The following CAPN9 variants were observed in gnomAD, a reference collection of about 807,000 sequenced individuals.
The protein encoded by CAPN9 is calpain-9.
CAPN9 carries 81 observed loss-of-function variants against 92.8 expected under a neutral mutation model. The observed-to-expected ratio is 0.87, with a 90% CI of 0.73 to 1.05. The LOEUF is 1.05. Ranked by LOEUF, CAPN9 falls within the 50% of genes least tolerant of loss-of-function variation. CAPN9 has a pLI of 0.00. For synonymous variants in CAPN9, 304 were observed against 328.0 expected (o/e 0.93, Z 0.79); for missense variants, 848 against 866.2 (o/e 0.98, Z 0.26).
At chr1:230,753,280 C>G (rs1404333018) in intron 1 of CAPN9, among the ~76,000 whole-genome samples, 1 of 152,180 alleles carries the variant, frequency 6.6e-6, no homozygotes, top group Non-Finnish European at 1.5e-5. Flanking sequence ...TTCTGCCGGG[C>G]CTGGGGTTTT....
At chr1:230,757,644 G>T (rs1278662959) in intron 2 of CAPN9, among the ~76,000 whole-genome samples, 1 of 151,766 alleles carries the variant, frequency 6.6e-6, no homozygotes, top group Non-Finnish European at 1.5e-5. Flanking sequence ...CGCTTTGGGA[G>T]GGGGAGGTGG....
In CAPN9 at chr1:230,751,601, GAAAGAAAGAGAAAGAAAGAAAGAAAGAA is replaced by G. The variant is rs1335055927; in HGVS notation, c.214-3734_214-3707del. On this transcript the variant is annotated intron_variant, in intron 1 of 19. Coordinates refer to ENST00000271971, the MANE Select transcript of CAPN9 (RefSeq NM_006615.3). ...AGAAAGAAACAAAGAAAGAAAGAAA[GAAAGAAAGAGAAAGAAAGAAAGAAAGAA>G]AGAAAGAAAGAAAGAAAGAAAGAAA... is the stretch of plus-strand genomic sequence containing the variant. Among the ~76,000 whole-genome samples the G allele has an allele frequency of 3.4e-3, 40 of 11,858 alleles. 1 individual carries two copies. Among genetic ancestry groups the G allele is most frequent in the Non-Finnish European group, 6.9e-3 (38 of 5,482 alleles). 7.8% of individuals were successfully genotyped at this position (11,858 alleles called of 152,430 possible).
chr1:230,801,591 A>T lies in CAPN9; in HGVS notation c.2068A>T (p.Ile690Phe). ...INEFIHLTMN[I>F] ...CCAGTTCATCCATTTGACAATGAACATCTGAGGCTGCCTTGTAGAGATGCA... is the reference window on the plus strand; with the variant it reads ...CCAGTTCATCCATTTGACAATGAACTTCTGAGGCTGCCTTGTAGAGATGCA... The change falls in exon 20 of 20, where the codon ATC becomes TTC. Residue 690 changes from isoleucine to phenylalanine, a missense_variant. Physicochemically the swap from Ile to Phe is conservative, Grantham distance 21. Coordinates refer to ENST00000271971, the MANE Select transcript of CAPN9 (RefSeq NM_006615.3). 6.2e-7 allele frequency: 1 copy of T among 1,614,084 alleles called. No homozygotes were observed. Among genetic ancestry groups the T allele is most frequent in the Non-Finnish European group, 8.5e-7 (1 of 1,179,942 alleles).
At chr1:230,787,396 T>G (rs1224650433) in intron 12 of CAPN9, 126 bp from the exon 13 acceptor site, 6 of 713,238 alleles carry the variant, frequency 8.4e-6, no homozygotes, top group Non-Finnish European at 1.5e-5. Flanking sequence ...GGACGCAGCT[T>G]GTGCACACTG....
rs1361541854 is a variant in CAPN9, at chr1:230,785,902, G to A, written c.1482-79G>A. 4.4e-6 allele frequency: 6 copies of A among 1,366,750 alleles called. No individual in the cohort carries two copies. In the African/African-American group the frequency reaches 7.1e-5, roughly 16 times the overall value. 84.7% of individuals were successfully genotyped at this position (1,366,750 alleles called of 1,614,324 possible). ...ATTCAAAGGGACAGAACCTTCCCAGGCTCTGGGCTCTTCAGCTCTGCAGAT... is the reference window on the plus strand; with the variant it reads ...ATTCAAAGGGACAGAACCTTCCCAGACTCTGGGCTCTTCAGCTCTGCAGAT... On this transcript the variant is annotated intron_variant, in intron 11 of 19. Transcript: ENST00000271971.
chr1:230,772,382 T>C (rs914015088), intron 7 of CAPN9, among the ~76,000 whole-genome samples: 10 of 152,260 alleles, frequency 6.6e-5, no homozygotes, highest in Admixed American at 6.5e-4. Context: ...GTGATGTTTA[T>C]AACCCAGTGA....
chr1:230,764,325 C>T (rs1372220406), intron 4 of CAPN9, among the ~76,000 whole-genome samples: 2 of 152,232 alleles, frequency 1.3e-5, no homozygotes, highest in Non-Finnish European at 2.9e-5. Context: ...CCTACTTGAA[C>T]TGGGACATCC....
chr1:230,772,527 A>G (rs1381221798), intron 7 of CAPN9, among the ~76,000 whole-genome samples: 1 of 152,136 alleles, frequency 6.6e-6, no homozygotes, highest in East Asian at 1.9e-4. Context: ...GCATGTAACT[A>G]TAGGATTCTC....
intron 13 of CAPN9, among the ~76,000 whole-genome samples, chr1:230,789,237 C>T (rs541675039): frequency 6.8e-6 from 1 of 147,856 alleles, no homozygotes; most frequent in Admixed American, 6.7e-5. Context: ...GTCACCTGGG[C>T]ATCCTGGGAA....
intron 4 of CAPN9, 110 bp from the exon 5 acceptor site, chr1:230,767,431 C>A (rs1431935907): frequency 4.5e-6 from 4 of 889,638 alleles, no homozygotes; most frequent in African/African-American, 1.7e-5. Flanking sequence ...CCAGCCAGGG[C>A]AAGCCCTGGG....
chr1:230,747,725 A>AGG lies in CAPN9; in HGVS notation c.213+19_213+20dup. ...ACGACCAGGGGTGAGTGGGGCGAGCAGGGGAAGGAGCATAGATGAGGCCGA... is the reference window on the plus strand; with the variant it reads ...ACGACCAGGGGTGAGTGGGGCGAGCAGGGGGGAAGGAGCATAGATGAGGCCGA... On this transcript the variant is annotated intron_variant, in intron 1 of 19. Transcript: ENST00000271971. 8 of 1,612,284 alleles carry AGG rather than the reference A, an allele frequency of 5.0e-6. No homozygotes were observed. The highest frequency in any genetic ancestry group is 5.9e-6 in the Non-Finnish European group (7 of 1,178,434).
At chr1:230,792,300 G>T in intron 15 of CAPN9, 126 bp from the exon 16 acceptor site, 1 of 733,288 alleles carries the variant, frequency 1.4e-6, no homozygotes, top group Non-Finnish European at 2.4e-6. Context: ...CACTTCCCCA[G>T]GGCCCCAAAC....
intron 19 of CAPN9, among the ~76,000 whole-genome samples, chr1:230,800,294 GAA>G (rs765119183): frequency 9.1e-6 from 1 of 109,844 alleles, no homozygotes; most frequent in Non-Finnish European, 2.0e-5. Context: ...AAGAAAGAAA[GAA>G]AGAAAGAAAG....
In CAPN9 at chr1:230,800,236, A is replaced by C. The variant is rs1483494729; in HGVS notation, c.2047-1334A>C. On this transcript the variant is annotated intron_variant, in intron 19 of 19. Coordinates refer to ENST00000271971, the MANE Select transcript of CAPN9 (RefSeq NM_006615.3). ...AAAGAAAAATAAGAAAGAAAGAAGA[A>C]AGAAAGAAAGAAAGAAAGAAAGAAA... 6.5e-4 allele frequency among the ~76,000 whole-genome samples: 33 copies of C among 51,154 alleles called. 3 individuals carry two copies. The highest frequency in any genetic ancestry group is 2.6e-3 in the African/African-American group (31 of 12,142). The allele number at this position is 51,154 out of a possible 152,430, so 33.6% of individuals were successfully genotyped here. A position where few individuals can be genotyped will look rare whatever the true frequency, so the allele number is the denominator to read the frequency against.
In CAPN9 at chr1:230,801,598, G is replaced by A. The variant is rs761153681; in HGVS notation, c.*2G>A. 1.4e-5 allele frequency: 23 copies of A among 1,613,730 alleles called. 2 individuals carry two copies. In the South Asian group the frequency reaches 2.4e-4, roughly 17 times the overall value. On this transcript the variant is annotated 3_prime_UTR_variant, in exon 20 of 20. Transcript: ENST00000271971. ...ATCCATTTGACAATGAACATCTGAGGCTGCCTTGTAGAGATGCAGCCTGCC... is the reference window on the plus strand; with the variant it reads ...ATCCATTTGACAATGAACATCTGAGACTGCCTTGTAGAGATGCAGCCTGCC...
intron 17 of CAPN9, 55 bp from the exon 18 acceptor site, chr1:230,795,108 C>T: frequency 8.9e-7 from 1 of 1,129,790 alleles, no homozygotes. Flanking sequence ...AAGGTGCAGA[C>T]TCACCTCGGG....
chr1:230,756,613 T>C (rs1368796468), intron 2 of CAPN9, among the ~76,000 whole-genome samples: 1 of 151,732 alleles, frequency 6.6e-6, no homozygotes, highest in South Asian at 2.1e-4. Context: ...TCTAAGTGGA[T>C]TTTTTTTCAA....
intron 18 of CAPN9, among the ~76,000 whole-genome samples, chr1:230,797,868 C>A (rs997072685): frequency 6.6e-6 from 1 of 152,148 alleles, no homozygotes; most frequent in Admixed American, 6.5e-5. Context: ...CCTGTACCCC[C>A]CAGAAGGTTA....
chr1:230,752,617 G>A lies in CAPN9; in HGVS notation c.214-2720G>A, dbSNP rs577304320. On this transcript the variant is annotated intron_variant, in intron 1 of 19. Coordinates refer to ENST00000271971, the MANE Select transcript of CAPN9 (RefSeq NM_006615.3). ...GGGGAGGGGAGGGGCAGGGAGGATG[G>A]GAAGGAGGCGGGCATCCGGGAACAG... The A allele has an allele frequency of 1.1e-4, 103 of 943,170 alleles. No homozygotes were observed. The South Asian group carries it at 4.2e-3, about 38-fold the overall frequency. The allele number at this position is 943,170 out of a possible 1,614,324, so 58.4% of individuals were successfully genotyped here.
Sources: allele counts gnomAD v4.1 joint callset (sites outside exome capture counted in the v4.1 genomes callset), GRCh38; gene constraint gnomAD v4.1.1; transcripts MANE v1.5; gene names NCBI Gene and HGNC (gene_info 2026-07-23, HGNC 2026-07-21).